CMSS1: variants seen among roughly 807,000 people sequenced by gnomAD.
The protein encoded by CMSS1 is protein CMSS1.
A neutral mutation model predicts 43.5 loss-of-function variants in CMSS1; 33 were observed. The ratio of observed to expected loss-of-function variants is 0.76; its 90% CI spans 0.57 to 1.01. The LOEUF is 1.01. Among genes scored for constraint, CMSS1 ranks in the 50% least tolerant of loss-of-function variants. CMSS1 has a pLI of 0.00. For synonymous variants in CMSS1, 115 were observed against 117.2 expected (o/e 0.98, Z 0.12); for missense variants, 313 against 326.4 (o/e 0.96, Z 0.32).
intron 1 of CMSS1, among the ~76,000 whole-genome samples, chr3:100,074,091 C>T (rs978010301): frequency 6.6e-6 from 1 of 152,118 alleles, no homozygotes; most frequent in African/African-American, 2.4e-5. Context: ...TCCTCCACAA[C>T]TGGAAAATAT....
At chr3:99,900,360 C>A (rs991156670) in intron 1 of CMSS1, among the ~76,000 whole-genome samples, 1 of 152,038 alleles carries the variant, frequency 6.6e-6, no homozygotes, top group African/African-American at 2.4e-5. Context: ...CTATTTTTAA[C>A]CCTTTATATT....
intron 1 of CMSS1, among the ~76,000 whole-genome samples, chr3:100,006,327 T>A (rs1039358863): frequency 2.6e-5 from 4 of 152,124 alleles, no homozygotes; most frequent in African/African-American, 9.7e-5. Context: ...CCCTAAATAA[T>A]CTCCAGATTT....
At chr3:100,120,216 A>G (rs955186131) in intron 1 of CMSS1, among the ~76,000 whole-genome samples, 5 of 152,180 alleles carry the variant, frequency 3.3e-5, no homozygotes, top group African/African-American at 1.2e-4. Flanking sequence ...CAAGTGTCCT[A>G]TTTTGATGTC....
At chr3:99,971,018 G>A (rs1708798228) in intron 1 of CMSS1, among the ~76,000 whole-genome samples, 1 of 152,146 alleles carries the variant, frequency 6.6e-6, no homozygotes, top group African/African-American at 2.4e-5. Flanking sequence ...TTAACAGCAA[G>A]GATTGGCAGG....
At chr3:100,131,215 G>T (rs979317397) in intron 1 of CMSS1, among the ~76,000 whole-genome samples, 1 of 152,138 alleles carries the variant, frequency 6.6e-6, no homozygotes, top group African/African-American at 2.4e-5. Flanking sequence ...ACTTTTCCAA[G>T]CTCACACAGC....
intron 1 of CMSS1, among the ~76,000 whole-genome samples, chr3:100,134,151 T>C (rs560851280): frequency 6.6e-6 from 1 of 152,324 alleles, no homozygotes; most frequent in South Asian, 2.1e-4. Context: ...GGGGAAATTA[T>C]GTAACTCACA....
chr3:100,141,417 G>A, intron 1 of CMSS1: 2 of 340,772 alleles, frequency 5.9e-6, no homozygotes, highest in Non-Finnish European at 1.2e-5. Flanking sequence ...CGTGGCAGGA[G>A]AATTCTGAGT....
intron 1 of CMSS1, among the ~76,000 whole-genome samples, chr3:99,852,424 T>G (rs188687733): frequency 2.6e-5 from 4 of 152,156 alleles, no homozygotes; most frequent in African/African-American, 9.6e-5. Flanking sequence ...GTGTAAGGAT[T>G]TGAGAGAACT....
At chr3:100,021,960 T>TGTGTGTGTGTGA (rs1321185364) in intron 1 of CMSS1, among the ~76,000 whole-genome samples, 3 of 93,288 alleles carry the variant, frequency 3.2e-5, no homozygotes, top group African/African-American at 1.2e-4. Flanking sequence ...TGTGTGTGTG[T>TGTGTGTGTGTGA]GAGAGAGAGA....
intron 1 of CMSS1, among the ~76,000 whole-genome samples, chr3:100,048,528 G>A (rs1053994402): frequency 1.1e-4 from 16 of 152,186 alleles, no homozygotes; most frequent in Non-Finnish European, 1.8e-4. Context: ...ATCTGTGGGT[G>A]CAAAGTTATT....
intron 1 of CMSS1, among the ~76,000 whole-genome samples, chr3:100,100,786 A>G (rs1376407269): frequency 6.6e-6 from 1 of 152,186 alleles, no homozygotes; most frequent in Admixed American, 6.5e-5. Flanking sequence ...CAAGGTTAGT[A>G]TCGCCTTGCT....
chr3:100,055,502 G>A (rs2065450106), intron 1 of CMSS1, among the ~76,000 whole-genome samples: 2 of 152,234 alleles, frequency 1.3e-5, no homozygotes, highest in South Asian at 4.2e-4. Context: ...AAATACTAAA[G>A]ACTGTCTTTA....
chr3:100,042,102 A>T (rs985006192), intron 1 of CMSS1, among the ~76,000 whole-genome samples: 1 of 152,190 alleles, frequency 6.6e-6, no homozygotes, highest in South Asian at 2.1e-4. Context: ...TGTCATATTA[A>T]TAGAAATTCT....
At chr3:99,970,101 G>C (rs1460375957) in intron 1 of CMSS1, among the ~76,000 whole-genome samples, 1 of 152,204 alleles carries the variant, frequency 6.6e-6, no homozygotes, top group East Asian at 1.9e-4. Context: ...TATAAAAATA[G>C]TAATTTCATA....
At chr3:99,843,972 T>G (rs1054724736) in intron 1 of CMSS1, among the ~76,000 whole-genome samples, 2 of 152,178 alleles carry the variant, frequency 1.3e-5, no homozygotes, top group African/African-American at 4.8e-5. Flanking sequence ...GTGGACAGTT[T>G]CATCCTGAAA....
chr3:99,887,139 C>T (rs1195159631), intron 1 of CMSS1, among the ~76,000 whole-genome samples: 3 of 151,508 alleles, frequency 2.0e-5, no homozygotes, highest in Non-Finnish European at 4.4e-5. Flanking sequence ...GGCATGGTGG[C>T]GTGCCTGTAA....
At chr3:100,035,501 G>A (rs1473640593) in intron 1 of CMSS1, among the ~76,000 whole-genome samples, 1 of 152,118 alleles carries the variant, frequency 6.6e-6, no homozygotes, top group Non-Finnish European at 1.5e-5. Context: ...TCGAACTCCT[G>A]ATCCACCCGC....
intron 1 of CMSS1, among the ~76,000 whole-genome samples, chr3:100,108,520 G>T (rs1007099117): frequency 3.9e-5 from 6 of 152,136 alleles, no homozygotes; most frequent in Non-Finnish European, 8.8e-5. Context: ...GAAAATCTAT[G>T]CCCTTAGACA....
At chr3:99,942,171 C>T (rs1707870506) in intron 1 of CMSS1, among the ~76,000 whole-genome samples, 1 of 150,558 alleles carries the variant, frequency 6.6e-6, no homozygotes, top group African/African-American at 2.4e-5. Context: ...CACTGCACTC[C>T]AGCCTGGGTG....
Sources: allele counts gnomAD v4.1 joint callset (sites outside exome capture counted in the v4.1 genomes callset), GRCh38; gene constraint gnomAD v4.1.1; transcripts MANE v1.5; gene names NCBI Gene and HGNC (gene_info 2026-07-23, HGNC 2026-07-21).